The following NEBL variants were observed in gnomAD, a reference collection of about 807,000 sequenced individuals.
NEBL encodes nebulette.
In NEBL, 122 loss-of-function variants were observed where a neutral mutation model predicts 140.2. That is an observed-to-expected ratio of 0.87 (90% CI 0.75 to 1.01). The LOEUF (loss-of-function observed/expected upper bound fraction) is 1.01, where lower values mean the gene tolerates loss of function less well. Among genes scored for constraint, NEBL ranks in the 50% least tolerant of loss-of-function variants. The probability of loss-of-function intolerance (pLI) is 0.00; values close to 1 mark genes in which losing one functional copy is unlikely to be tolerated. For synonymous variants in NEBL, 436 were observed against 398.9 expected, an observed-to-expected ratio of 1.09 and a Z score of -1.11; for missense variants, 1,365 against 1,231.3, an observed-to-expected ratio of 1.11 and a Z score of -1.62.
chr10:20,917,882 C>T (rs780426161), intron 4 of NEBL, among the ~76,000 whole-genome samples: 1 of 151,976 alleles, frequency 6.6e-6, no homozygotes, highest in Non-Finnish European at 1.5e-5. Context: ...TGGTTTAGGT[C>T]ATTTAATTGT....
intron 26 of NEBL, among the ~76,000 whole-genome samples, chr10:20,806,655 C>G (rs368301127): frequency 1.3e-5 from 2 of 152,196 alleles, no homozygotes; most frequent in East Asian, 3.9e-4. Flanking sequence ...CAAGGTCCCC[C>G]CACCAGCCTC....
intron 7 of NEBL, among the ~76,000 whole-genome samples, chr10:20,867,354 C>A (rs1156332556): frequency 2.0e-5 from 3 of 152,080 alleles, no homozygotes; most frequent in Non-Finnish European, 2.9e-5. Context: ...AGACTTCATA[C>A]CTTTCATCAT....
rs142131159 is a variant in NEBL at position 20,878,085 on chromosome 10, T to C, written c.480+2709A>G. ...CTTATTTTTACTGTTTGGAGATCAT[T>C]TAATTTTGGGGTGGCGCAAAAGACT... On this transcript the variant is annotated intron_variant, in intron 5 of 27. Coordinates refer to ENST00000377122, the MANE Select transcript of NEBL (RefSeq NM_006393.3). Among the ~76,000 whole-genome samples the C allele has an allele frequency of 3.4e-3, 524 of 152,296 alleles. 2 individuals carry two copies. Among genetic ancestry groups the C allele is most frequent in the African/African-American group, 0.012 (505 of 41,556 alleles).
rs529582304 is a variant in NEBL, at chr10:21,128,730, C to T, written c.164+43653G>A. On this transcript the variant is annotated intron_variant, in intron 2 of 6. Transcript: ENST00000417816. ...CCAAATCTCAACTCTCAACTTATCC[C>T]GTAATTGTTAAAACACATTTTTTAA... Among the ~76,000 whole-genome samples the T allele has an allele frequency of 7.9e-5, 12 of 152,116 alleles. No individual in the cohort carries two copies. In the South Asian group the frequency reaches 1.2e-3, roughly 16 times the overall value.
intron 2 of NEBL, among the ~76,000 whole-genome samples, chr10:21,163,002 T>C (rs960807259): frequency 2.0e-5 from 3 of 152,244 alleles, no homozygotes; most frequent in Admixed American, 6.5e-5. Flanking sequence ...CATTATTAGA[T>C]TGGATATTCC....
At position 20,887,866 on chromosome 10, in the gene NEBL, G is replaced by A. The variant is rs1198915430; in HGVS notation, c.369+231C>T. The stretch of plus-strand genomic sequence containing the variant: ...GAGATTAAGATTTGCTCTATAAATT[G>A]CATTGAATGGGACTCAGAAAACAGT... On this transcript the variant is annotated intron_variant, in intron 4 of 27. Coordinates refer to ENST00000377122, the MANE Select transcript of NEBL (RefSeq NM_006393.3). Among the ~76,000 whole-genome samples the A allele has an allele frequency of 3.3e-5, 5 of 152,148 alleles. No homozygotes were observed. In the South Asian group the frequency reaches 1.0e-3, roughly 32 times the overall value.
intron 4 of NEBL, among the ~76,000 whole-genome samples, chr10:20,884,587 A>C (rs555397797): frequency 6.6e-6 from 1 of 152,356 alleles, no homozygotes; most frequent in South Asian, 2.1e-4. Context: ...ACAACATAGC[A>C]TAAGATGCTA....
At chr10:20,970,886 G>A (rs948826653) in intron 3 of NEBL, among the ~76,000 whole-genome samples, 11 of 152,064 alleles carry the variant, frequency 7.2e-5, no homozygotes, top group South Asian at 2.1e-4. Context: ...ATGCCAAAGC[G>A]AAAAATATCA....
intron 3 of NEBL, among the ~76,000 whole-genome samples, chr10:21,183,207 CGA>C (rs1841412727): frequency 2.0e-5 from 3 of 151,672 alleles, no homozygotes. Context: ...GCAGCATGAA[CGA>C]GAGAGAAATA....
At chr10:21,060,095 A>G (rs1014308571) in intron 2 of NEBL, among the ~76,000 whole-genome samples, 6 of 152,228 alleles carry the variant, frequency 3.9e-5, no homozygotes, top group African/African-American at 1.4e-4. Flanking sequence ...TCATCTAAAA[A>G]ATAGCAGCTG....
At position 20,983,673 on chromosome 10, in the gene NEBL, A is replaced by C. The variant is rs187360555; in HGVS notation, c.250-21894T>G. Among the ~76,000 whole-genome samples, 26 of 152,374 alleles carry C rather than the reference A, an allele frequency of 1.7e-4. No homozygotes were observed. The East Asian group carries it at 4.4e-3, about 26-fold the overall frequency. ...TAAAGTAATTGGTGTGTCCAGGGAC[A>C]GAACCCAAAACTTGGCCTCATTAAT... is the stretch of plus-strand genomic sequence containing the variant. On this transcript the variant is annotated intron_variant, in intron 3 of 6. Transcript: ENST00000417816.
chr10:21,131,539 C>A (rs1839106406), intron 2 of NEBL, among the ~76,000 whole-genome samples: 1 of 151,996 alleles, frequency 6.6e-6, no homozygotes, highest in Non-Finnish European at 1.5e-5. Flanking sequence ...GTAACAAAAT[C>A]AAAGCAAAAA....
chr10:20,823,722 G>C (rs1406339198), intron 18 of NEBL, among the ~76,000 whole-genome samples: 2 of 152,022 alleles, frequency 1.3e-5, no homozygotes, highest in Admixed American at 1.3e-4. Context: ...AGAGTCTGGG[G>C]AGCACTGCTT....
chr10:21,071,474 G>T lies in NEBL; in HGVS notation c.165-51273C>A, dbSNP rs112519422. On this transcript the variant is annotated intron_variant, in intron 2 of 6. Coordinates refer to the NEBL transcript ENST00000417816. ...CCATAAAGCAATTTTGCTGAGTCTTGGTTTTCTTATCTGCAAAATGGGACA... is the reference window on the plus strand; with the variant it reads ...CCATAAAGCAATTTTGCTGAGTCTTTGTTTTCTTATCTGCAAAATGGGACA... Among the ~76,000 whole-genome samples the T allele has an allele frequency of 4.8e-3, 731 of 152,096 alleles. 11 individuals are homozygous for T. The highest frequency in any genetic ancestry group is 0.016 in the African/African-American group (668 of 41,478).
At chr10:21,112,350 T>C (rs1013876726) in intron 2 of NEBL, among the ~76,000 whole-genome samples, 5 of 152,114 alleles carry the variant, frequency 3.3e-5, no homozygotes, top group African/African-American at 7.2e-5. Flanking sequence ...CAAATGTCCA[T>C]CAATGATAGA....
At chr10:20,999,479 G>A (rs1273923927) in intron 3 of NEBL, among the ~76,000 whole-genome samples, 1 of 152,118 alleles carries the variant, frequency 6.6e-6, no homozygotes, top group African/African-American at 2.4e-5. Flanking sequence ...CATGCCTGTA[G>A]TCCCAGCTAC....
intron 2 of NEBL, among the ~76,000 whole-genome samples, chr10:21,102,746 G>T (rs1454888818): frequency 6.6e-6 from 1 of 152,136 alleles, no homozygotes; most frequent in Admixed American, 6.5e-5. Flanking sequence ...GTAGTTTAGA[G>T]CTATCAGAAA....
At chr10:20,869,397 GA>G (rs1017904576) in intron 6 of NEBL, among the ~76,000 whole-genome samples, 1 of 152,164 alleles carries the variant, frequency 6.6e-6, no homozygotes, top group African/African-American at 2.4e-5. Context: ...GGCCAAGCAA[GA>G]GCCTTTGGAG....
chr10:21,023,210 C>A (rs1030840445), intron 2 of NEBL, among the ~76,000 whole-genome samples: 1 of 152,150 alleles, frequency 6.6e-6, no homozygotes, highest in Non-Finnish European at 1.5e-5. Context: ...ATTTTCAGGT[C>A]TCTACAATGA....
Sources: gnomAD v4.1 joint callset for allele counts (sites outside exome capture counted in the v4.1 genomes callset) on GRCh38, gnomAD v4.1.1 for gene constraint, MANE v1.5 for transcripts, NCBI Gene and HGNC (gene_info 2026-07-23, HGNC 2026-07-21) for gene names.